DNAAF9: variants seen among roughly 807,000 people sequenced by gnomAD.
DNAAF9 encodes the protein shulin.
Under a neutral mutation model 167.0 loss-of-function variants are expected in DNAAF9, and 90 were observed. That is an observed-to-expected ratio of 0.54 (90% CI 0.45 to 0.64). DNAAF9 has a LOEUF of 0.64. Ranked by LOEUF, DNAAF9 falls within the 30% of genes least tolerant of loss-of-function variation. The pLI is 0.00. For synonymous variants in DNAAF9, 491 were observed against 508.8 expected, an observed-to-expected ratio of 0.96 and a Z score of 0.47; for missense variants, 1,315 against 1,442.2, an observed-to-expected ratio of 0.91 and a Z score of 1.43.
chr20:3,282,187 C>T (rs994431842), intron 27 of DNAAF9, among the ~76,000 whole-genome samples: 3 of 152,176 alleles, frequency 2.0e-5, no homozygotes, highest in Admixed American at 6.6e-5. Flanking sequence ...CGTCCGGACC[C>T]ATCCAGGTCA....
At chr20:3,274,537 T>C (rs1294071036) in intron 29 of DNAAF9, among the ~76,000 whole-genome samples, 2 of 152,208 alleles carry the variant, frequency 1.3e-5, no homozygotes, top group African/African-American at 2.4e-5. Flanking sequence ...AGTTTGAATT[T>C]TGAGTTCCGC....
chr20:3,278,813 A>G (rs527819662), intron 29 of DNAAF9, 99 bp downstream of exon 29: 11 of 926,484 alleles, frequency 1.2e-5, no homozygotes, highest in Non-Finnish European at 1.8e-5. Flanking sequence ...TGTTTGCTTT[A>G]GATTTCAGAA....
chr20:3,326,343 T>C, intron 12 of DNAAF9, 59 bp from the exon 13 acceptor site: 1 of 1,163,070 alleles, frequency 8.6e-7, no homozygotes, highest in Non-Finnish European at 1.3e-6. Context: ...TGTCAAAAGA[T>C]GCATGCACAT....
At chr20:3,327,665 GA>G (rs2069736473) in intron 12 of DNAAF9, among the ~76,000 whole-genome samples, 1 of 152,208 alleles carries the variant, frequency 6.6e-6, no homozygotes, top group Non-Finnish European at 1.5e-5. Flanking sequence ...TCTTATAGAA[GA>G]AGCAATAAGG....
chr20:3,296,962 G>A lies in DNAAF9; in HGVS notation c.1930-13C>T. 1 of 1,513,482 alleles carries A rather than the reference G, an allele frequency of 6.6e-7. No individual in the cohort carries two copies. 93.8% of individuals were successfully genotyped at this position (1,513,482 alleles called of 1,614,324 possible). ...AGAGGGAGAAGACCTAAACAAAACA[G>A]AATTTGAGCAAAGAACACTTTAAAC... On this transcript the variant is annotated splice_polypyrimidine_tract_variant and intron_variant, in intron 22 of 36. Transcript: ENST00000252032.
intron 10 of DNAAF9, among the ~76,000 whole-genome samples, chr20:3,337,350 G>A (rs191177839): frequency 8.1e-4 from 120 of 148,158 alleles, no homozygotes; most frequent in African/African-American, 2.8e-3. Context: ...TGCAACCTCC[G>A]CCTTCCAAGT....
intron 20 of DNAAF9, among the ~76,000 whole-genome samples, chr20:3,313,641 A>C (rs892824279): frequency 5.9e-5 from 9 of 152,206 alleles, no homozygotes; most frequent in African/African-American, 2.2e-4. Flanking sequence ...AAGACCAACA[A>C]GGTTTTTGAG....
rs909445545 is a variant in DNAAF9, at chr20:3,250,618, C to T, written c.*1954G>A. 6.6e-6 allele frequency: 1 copy of T among 152,190 alleles called. No individual in the cohort carries two copies. Among genetic ancestry groups the T allele is most frequent in the South Asian group, 2.1e-4 (1 of 4,834 alleles). The allele number at this position is 152,190 out of a possible 1,614,324, so 9.4% of individuals were successfully genotyped here. A position where few individuals can be genotyped will look rare whatever the true frequency, so the allele number is the denominator to read the frequency against. On this transcript the variant is annotated 3_prime_UTR_variant, in exon 37 of 37. Transcript: ENST00000252032. The stretch of plus-strand genomic sequence containing the variant: ...CATTTCTGTGAAGAGAAACAAAGAC[C>T]ACCACGTAGTACAGCCCCACATGGT...
At chr20:3,285,723 A>C (rs1383226908) in intron 27 of DNAAF9, among the ~76,000 whole-genome samples, 3 of 149,484 alleles carry the variant, frequency 2.0e-5, no homozygotes, top group African/African-American at 7.4e-5. Flanking sequence ...TCATGCCTGT[A>C]ATTGCAGCAC....
At chr20:3,365,101 G>A (rs568172257) in intron 6 of DNAAF9, among the ~76,000 whole-genome samples, 1 of 152,146 alleles carries the variant, frequency 6.6e-6, no homozygotes, top group Admixed American at 6.5e-5. Context: ...CTCCAGAGTA[G>A]CTAGAACTAT....
At chr20:3,293,307 A>AAG (rs889829149) in intron 25 of DNAAF9, among the ~76,000 whole-genome samples, 2 of 149,028 alleles carry the variant, frequency 1.3e-5, no homozygotes, top group Non-Finnish European at 3.0e-5. Context: ...AAAAAAAAAA[A>AAG]AAAAAAAAAA....
rs527693709 is a variant in DNAAF9 at position 3,379,306 on chromosome 20, G to A, written c.283+2073C>T. ...AAGCATATGAGAATGGGATGAATAC[G>A]TAACCTATTTAAAAGCTGCTTTTAG... On this transcript the variant is annotated intron_variant, in intron 3 of 36. Coordinates refer to ENST00000252032, the MANE Select transcript of DNAAF9 (RefSeq NM_001009984.3). Among the ~76,000 whole-genome samples, 15 of 151,152 alleles carry A rather than the reference G, an allele frequency of 9.9e-5. No homozygotes were observed. The East Asian group carries it at 1.2e-3, about 12-fold the overall frequency.
intron 27 of DNAAF9, among the ~76,000 whole-genome samples, chr20:3,286,275 C>T (rs1459059027): frequency 6.6e-6 from 1 of 152,148 alleles, no homozygotes; most frequent in Non-Finnish European, 1.5e-5. Context: ...GCTGGGTTTA[C>T]AGTATAAGAG....
In DNAAF9 at chr20:3,375,223, G is replaced by A. The variant is rs987816073; in HGVS notation, c.409-97C>T. ...TTTGTCAACCAGAGTTGTCCCAAAT[G>A]ACATTTACAGAGGACTGCACCCAAG... On this transcript the variant is annotated intron_variant, in intron 4 of 36. Coordinates refer to ENST00000252032, the MANE Select transcript of DNAAF9 (RefSeq NM_001009984.3). The A allele has an allele frequency of 1.0e-5, 8 of 792,984 alleles. No individual in the cohort carries two copies. In the African/African-American group the frequency reaches 1.4e-4, roughly 13 times the overall value. 49.1% of individuals were successfully genotyped at this position (792,984 alleles called of 1,614,324 possible).
chr20:3,384,522 T>A (rs903824268), intron 1 of DNAAF9: 4 of 149,972 alleles, frequency 2.7e-5, no homozygotes, highest in Admixed American at 6.6e-5. Context: ...TGAATATAAA[T>A]GTAAACATCC....
At chr20:3,346,332 T>C (rs748843270) in intron 8 of DNAAF9, among the ~76,000 whole-genome samples, 3 of 152,132 alleles carry the variant, frequency 2.0e-5, no homozygotes, top group East Asian at 1.9e-4. Flanking sequence ...CCTCCAACAA[T>C]AGGAACATAC....
intron 8 of DNAAF9, among the ~76,000 whole-genome samples, chr20:3,347,450 A>C (rs1470439850): frequency 1.3e-5 from 2 of 152,220 alleles, no homozygotes; most frequent in African/African-American, 4.8e-5. Flanking sequence ...GTCTACACAA[A>C]GGAATGAAGA....
At chr20:3,308,832 A>G (rs1369157542) in intron 20 of DNAAF9, among the ~76,000 whole-genome samples, 1 of 151,674 alleles carries the variant, frequency 6.6e-6, no homozygotes, top group African/African-American at 2.4e-5. Flanking sequence ...AAAAAAAATT[A>G]GCCAGGTGTG....
chr20:3,254,700 C>T (rs1403973293), intron 35 of DNAAF9, among the ~76,000 whole-genome samples: 1 of 152,130 alleles, frequency 6.6e-6, no homozygotes, highest in South Asian at 2.1e-4. Flanking sequence ...ACTCTGTGTC[C>T]TTTTTAGCTT....
Sources: allele counts gnomAD v4.1 joint callset (sites outside exome capture counted in the v4.1 genomes callset), GRCh38; gene constraint gnomAD v4.1.1; transcripts MANE v1.5; gene names NCBI Gene and HGNC (gene_info 2026-07-23, HGNC 2026-07-21).